The following ADAMTS16 variants were observed in gnomAD, a reference collection of about 807,000 sequenced individuals.
ADAMTS16 encodes ADAM metallopeptidase with thrombospondin type 1 motif 16, also known as A disintegrin and metalloproteinase with thrombospondin motifs 16.
In ADAMTS16, 94 loss-of-function variants were observed where a neutral mutation model predicts 145.8. The observed-to-expected ratio is 0.64, with a 90% CI of 0.55 to 0.77. The LOEUF (loss-of-function observed/expected upper bound fraction) is 0.77, where lower values mean the gene tolerates loss of function less well. Among genes scored for constraint, ADAMTS16 ranks in the 30% least tolerant of loss-of-function variants. The probability of loss-of-function intolerance (pLI) is 0.00; values close to 1 mark genes in which losing one functional copy is unlikely to be tolerated. For synonymous variants in ADAMTS16, 659 were observed against 604.3 expected, an observed-to-expected ratio of 1.09 and a Z score of -1.33; for missense variants, 1,585 against 1,591.5, an observed-to-expected ratio of 1.00 and a Z score of 0.07.
At chr5:5,287,682 G>A (rs887608894) in intron 18 of ADAMTS16, among the ~76,000 whole-genome samples, 8 of 152,224 alleles carry the variant, frequency 5.3e-5, no homozygotes, top group Admixed American at 3.3e-4. Flanking sequence ...TTCACGGACG[G>A]TGTCAGCTTG....
intron 10 of ADAMTS16, among the ~76,000 whole-genome samples, chr5:5,213,073 T>A (rs1484392066): frequency 6.6e-6 from 1 of 152,228 alleles, no homozygotes; most frequent in Non-Finnish European, 1.5e-5. Flanking sequence ...AATCCATGCA[T>A]CCCTCTTCCT....
intron 21 of ADAMTS16, among the ~76,000 whole-genome samples, chr5:5,306,991 T>G (rs1740196643): frequency 6.6e-6 from 1 of 152,106 alleles, no homozygotes; most frequent in African/African-American, 2.4e-5. Context: ...TATAAGGAAA[T>G]GCAATGCCTT....
At chr5:5,276,500 C>T (rs1163833689) in intron 18 of ADAMTS16, among the ~76,000 whole-genome samples, 4 of 152,196 alleles carry the variant, frequency 2.6e-5, no homozygotes, top group Non-Finnish European at 4.4e-5. Flanking sequence ...GGAATTTATA[C>T]AAAGAGCGAA....
intron 3 of ADAMTS16, among the ~76,000 whole-genome samples, chr5:5,166,007 C>G (rs1188686036): frequency 1.3e-5 from 2 of 152,180 alleles, no homozygotes; most frequent in African/African-American, 4.8e-5. Flanking sequence ...AGCACAGAGT[C>G]CTGCACCCAC....
intron 3 of ADAMTS16, among the ~76,000 whole-genome samples, chr5:5,180,229 G>T (rs571418151): frequency 6.6e-6 from 1 of 152,124 alleles, no homozygotes; most frequent in Admixed American, 6.5e-5. Flanking sequence ...CTCAGTCAGT[G>T]GGCAGCACTA....
At chr5:5,265,954 A>T (rs1017650248) in intron 18 of ADAMTS16, among the ~76,000 whole-genome samples, 1 of 151,366 alleles carries the variant, frequency 6.6e-6, no homozygotes, top group East Asian at 2.0e-4. Context: ...AGTGCTATGA[A>T]GTGGGGAAAC....
At chr5:5,199,683 A>T (rs1735904025) in intron 8 of ADAMTS16, among the ~76,000 whole-genome samples, 1 of 152,188 alleles carries the variant, frequency 6.6e-6, no homozygotes, top group South Asian at 2.1e-4. Context: ...GTTTGTTTGG[A>T]CAGCTCAAAC....
chr5:5,281,507 C>T (rs1023012355), intron 18 of ADAMTS16, among the ~76,000 whole-genome samples: 1 of 152,158 alleles, frequency 6.6e-6, no homozygotes, highest in Non-Finnish European at 1.5e-5. Context: ...TTAAGGGAAA[C>T]TTCATTGCAT....
At position 5,257,720 on chromosome 5, in the gene ADAMTS16, G is replaced by T. The variant is rs575267613; in HGVS notation, c.2663-4937G>T. Among the ~76,000 whole-genome samples, 3 of 152,274 alleles carry T rather than the reference G, an allele frequency of 2.0e-5. No individual in the cohort carries two copies. In the East Asian group the frequency reaches 5.8e-4, roughly 29 times the overall value. On this transcript the variant is annotated intron_variant, in intron 17 of 22. Transcript: ENST00000274181. ...CCAGTTCTCCAATTCTCTAGATGCTGGCAGCTTGGTGTCCTACAATTCAGT... is the reference window on the plus strand; with the variant it reads ...CCAGTTCTCCAATTCTCTAGATGCTTGCAGCTTGGTGTCCTACAATTCAGT...
chr5:5,265,576 T>G (rs1420639707), intron 18 of ADAMTS16, among the ~76,000 whole-genome samples: 1 of 152,178 alleles, frequency 6.6e-6, no homozygotes, highest in Non-Finnish European at 1.5e-5. Context: ...TAAGAGGGGC[T>G]GGGGTTATCT....
intron 21 of ADAMTS16, among the ~76,000 whole-genome samples, chr5:5,315,066 G>A (rs1321655632): frequency 6.6e-6 from 1 of 152,208 alleles, no homozygotes; most frequent in African/African-American, 2.4e-5. Flanking sequence ...TCACAGTTCC[G>A]CAGGACTGGA....
At chr5:5,309,037 T>C (rs1740306732) in intron 21 of ADAMTS16, among the ~76,000 whole-genome samples, 1 of 152,148 alleles carries the variant, frequency 6.6e-6, no homozygotes, top group Non-Finnish European at 1.5e-5. Flanking sequence ...CTATGTGTTT[T>C]ACATGTATAT....
chr5:5,218,180 G>A (rs1041138424), intron 10 of ADAMTS16, among the ~76,000 whole-genome samples: 35 of 152,216 alleles, frequency 2.3e-4, no homozygotes, highest in Admixed American at 2.0e-3. Flanking sequence ...AAGTTGGACA[G>A]GACAATTGGT....
At chr5:5,309,958 G>A (rs1740354509) in intron 21 of ADAMTS16, among the ~76,000 whole-genome samples, 1 of 152,054 alleles carries the variant, frequency 6.6e-6, no homozygotes, top group African/African-American at 2.4e-5. Flanking sequence ...CAGTCAGGTG[G>A]CCAGGTCCCC....
chr5:5,151,624 AT>A (rs1172170194), intron 3 of ADAMTS16, among the ~76,000 whole-genome samples: 3 of 147,862 alleles, frequency 2.0e-5, no homozygotes, highest in Non-Finnish European at 3.0e-5. Flanking sequence ...CACACACACA[AT>A]GAGAAGATTA....
intron 3 of ADAMTS16, among the ~76,000 whole-genome samples, chr5:5,158,812 C>T (rs111769089): frequency 0.015 from 2,344 of 152,260 alleles, 42 homozygotes; most frequent in African/African-American, 0.051. Flanking sequence ...TTGTATCTAC[C>T]GCTTAAGCAT....
chr5:5,241,974 A>G, intron 16 of ADAMTS16, 79 bp from the exon 17 acceptor site: 1 of 1,483,450 alleles, frequency 6.7e-7, no homozygotes, highest in Non-Finnish European at 9.3e-7. Context: ...TATTGTTTTA[A>G]GTAGTCTAAA....
intron 8 of ADAMTS16, among the ~76,000 whole-genome samples, chr5:5,193,663 G>A (rs1020435652): frequency 2.5e-4 from 38 of 152,206 alleles, no homozygotes; most frequent in African/African-American, 8.9e-4. Context: ...TCAGTGTCAA[G>A]CAAGTATCAG....
intron 8 of ADAMTS16, 85 bp downstream of exon 8, chr5:5,191,875 A>ATAT: frequency 1.0e-6 from 1 of 1,003,456 alleles, no homozygotes; most frequent in African/African-American, 1.6e-5. Flanking sequence ...CATCAAGTCA[A>ATAT]GTCCATGAAG....
Sources: gnomAD v4.1 joint callset for allele counts (sites outside exome capture counted in the v4.1 genomes callset) on GRCh38, gnomAD v4.1.1 for gene constraint, MANE v1.5 for transcripts, NCBI Gene and HGNC (gene_info 2026-07-23, HGNC 2026-07-21) for gene names.